Variants in ADAMTS18 observed in about 807,000 individuals in gnomAD.
ADAMTS18 encodes ADAM metallopeptidase with thrombospondin type 1 motif 18.
In ADAMTS18, 157 loss-of-function variants were observed where a neutral mutation model predicts 165.9. The ratio of observed to expected loss-of-function variants is 0.95; its 90% CI spans 0.83 to 1.08. The LOEUF (loss-of-function observed/expected upper bound fraction) is 1.08. Among genes scored for constraint, ADAMTS18 ranks in the 50% least tolerant of loss-of-function variants. ADAMTS18 has a pLI of 0.00. For missense variants in ADAMTS18, 2,040 were observed against 1,534.0 expected (o/e 1.33, Z -5.51); for synonymous variants, 782 against 578.2 (o/e 1.35, Z -5.06).
chr16:77,374,766 T>A (rs1312324427), intron 3 of ADAMTS18, among the ~76,000 whole-genome samples: 1 of 152,060 alleles, frequency 6.6e-6, no homozygotes, highest in African/African-American at 2.4e-5. Context: ...ATTTAAAAAA[T>A]AATAATAATG....
chr16:77,334,765 GTATA>G (rs2056272058), intron 12 of ADAMTS18, among the ~76,000 whole-genome samples: 1 of 7,292 alleles, frequency 1.4e-4, no homozygotes, highest in Non-Finnish European at 2.0e-4. Context: ...ATAGTATACA[GTATA>G]TATACTATAG....
At chr16:77,400,104 T>C (rs905476116) in intron 3 of ADAMTS18, among the ~76,000 whole-genome samples, 12 of 152,156 alleles carry the variant, frequency 7.9e-5, no homozygotes, top group African/African-American at 1.9e-4. Context: ...TCTCTGACCC[T>C]GCATACTTGA....
chr16:77,321,241 A>G (rs1361403850), intron 14 of ADAMTS18, 39 bp from the exon 15 acceptor site: 1 of 1,613,208 alleles, frequency 6.2e-7, no homozygotes, highest in South Asian at 1.1e-5. Flanking sequence ...ATAAAAGATC[A>G]GAGAAGCCAG....
chr16:77,421,638 G>T (rs903360034), intron 3 of ADAMTS18, among the ~76,000 whole-genome samples: 1 of 152,198 alleles, frequency 6.6e-6, no homozygotes, highest in Non-Finnish European at 1.5e-5. Context: ...TGTTATACAA[G>T]CCAGGTATTA....
intron 16 of ADAMTS18, among the ~76,000 whole-genome samples, chr16:77,307,204 T>G (rs1208849839): frequency 6.6e-6 from 1 of 152,220 alleles, no homozygotes; most frequent in Non-Finnish European, 1.5e-5. Context: ...AAAGCCCAAA[T>G]TGCACCTTAC....
chr16:77,345,057 T>C (rs953142525), intron 10 of ADAMTS18, among the ~76,000 whole-genome samples: 1 of 152,054 alleles, frequency 6.6e-6, no homozygotes, highest in Admixed American at 6.6e-5. Context: ...TCATGTTGCC[T>C]GCATATGATT....
At position 77,388,289 on chromosome 16, in the gene ADAMTS18, G is replaced by A. The variant is rs144011093; in HGVS notation, c.496-20566C>T. Among the ~76,000 whole-genome samples the A allele has an allele frequency of 1.1e-3, 164 of 152,164 alleles. 1 individual carries two copies. The highest frequency in any genetic ancestry group is 3.6e-3 in the African/African-American group (150 of 41,510). On this transcript the variant is annotated intron_variant, in intron 3 of 22. Coordinates refer to ENST00000282849, the MANE Select transcript of ADAMTS18 (RefSeq NM_199355.4). ...TAATTTTTGTATTTTTATTGGAGAT[G>A]GGGTTTCACCATGTTGGCCAGACTA...
intron 3 of ADAMTS18, among the ~76,000 whole-genome samples, chr16:77,375,518 C>G (rs899543167): frequency 6.6e-6 from 1 of 152,118 alleles, no homozygotes; most frequent in Non-Finnish European, 1.5e-5. Flanking sequence ...TCTTGTGAGA[C>G]CGGAAGTCCT....
At chr16:77,296,018 GTA>G (rs142651891) in intron 18 of ADAMTS18, among the ~76,000 whole-genome samples, 1 of 150,380 alleles carries the variant, frequency 6.6e-6, no homozygotes, top group African/African-American at 2.5e-5. Flanking sequence ...GTGTGTGTGT[GTA>G]TATATATATA....
In ADAMTS18 at chr16:77,352,001, T is replaced by C. The variant is rs1436650237; in HGVS notation, c.1614+1732A>G. Among the ~76,000 whole-genome samples, 7 of 152,128 alleles carry C rather than the reference T, an allele frequency of 4.6e-5. No individual in the cohort carries two copies. In the South Asian group the frequency reaches 1.2e-3, roughly 27 times the overall value. On this transcript the variant is annotated intron_variant, in intron 10 of 22. Coordinates refer to ENST00000282849, the MANE Select transcript of ADAMTS18 (RefSeq NM_199355.4). ...CTCCCACCTTGGCCTCCCCAAATCT[T>C]GACATTATAAGTATAAGCCACTACA...
chr16:77,313,185 A>G (rs1342783721), intron 16 of ADAMTS18, among the ~76,000 whole-genome samples: 1 of 152,154 alleles, frequency 6.6e-6, no homozygotes, highest in East Asian at 1.9e-4. Context: ...TCAGCAAACT[A>G]TCACAAGGAC....
rs201936911 is a variant in ADAMTS18 at position 77,335,003 on chromosome 16, TA to T, written c.1859+752del. ...ATATAGTAGTATATATACTGTATATTAATAGTATATAGTAGTATATATACTA... is the reference window on the plus strand; with the variant it reads ...ATATAGTAGTATATATACTGTATATTATAGTATATAGTAGTATATATACTA... On this transcript the variant is annotated intron_variant, in intron 12 of 22. Coordinates refer to ENST00000282849, the MANE Select transcript of ADAMTS18 (RefSeq NM_199355.4). Among the ~76,000 whole-genome samples the T allele has an allele frequency of 8.1e-3, 1,152 of 143,068 alleles. 20 individuals are homozygous for T. Among genetic ancestry groups the T allele is most frequent in the African/African-American group, 0.028 (1,078 of 38,888 alleles). The allele number at this position is 143,068 out of a possible 152,430, so 93.9% of individuals were successfully genotyped here. A position where few individuals can be genotyped will look rare whatever the true frequency, so the allele number is the denominator to read the frequency against.
intron 3 of ADAMTS18, among the ~76,000 whole-genome samples, chr16:77,381,727 A>C (rs2057033616): frequency 6.6e-6 from 1 of 152,170 alleles, no homozygotes; most frequent in East Asian, 1.9e-4. Flanking sequence ...ACTTGAACCC[A>C]GGAGGCGGAG....
At chr16:77,300,882 T>G (rs1477172013) in intron 16 of ADAMTS18, among the ~76,000 whole-genome samples, 1 of 152,148 alleles carries the variant, frequency 6.6e-6, no homozygotes, top group Non-Finnish European at 1.5e-5. Context: ...CTCTCCTGGG[T>G]GCTAGTGGAA....
intron 16 of ADAMTS18, among the ~76,000 whole-genome samples, chr16:77,301,575 C>A (rs976012089): frequency 1.3e-5 from 2 of 152,222 alleles, no homozygotes; most frequent in African/African-American, 4.8e-5. Flanking sequence ...AGAGGCAAAG[C>A]TGATTGCCAG....
rs185151286 is a variant in ADAMTS18 at position 77,356,669 on chromosome 16, A to C, written c.1323-592T>G. On this transcript the variant is annotated intron_variant, in intron 8 of 22. Transcript: ENST00000282849. ...TGAACCCCTTTATTGAAGGCTATTA[A>C]ATCTTGACCATTACTGTTATCTTTC... 5.3e-5 allele frequency among the ~76,000 whole-genome samples: 8 copies of C among 152,296 alleles called. No individual in the cohort carries two copies. In the East Asian group the frequency reaches 1.5e-3, roughly 29 times the overall value.
Position 77,305,145 on chromosome 16 carries a change from T to C in ADAMTS18, c.2533-4741A>G, listed in dbSNP as rs529480389. Among the ~76,000 whole-genome samples the C allele has an allele frequency of 2.0e-5, 3 of 152,304 alleles. No homozygotes were observed. In the South Asian group the frequency reaches 6.2e-4, roughly 32 times the overall value. On this transcript the variant is annotated intron_variant, in intron 16 of 22. Coordinates refer to ENST00000282849, the MANE Select transcript of ADAMTS18 (RefSeq NM_199355.4). ...AAGACAAATATATAAAAGATAAGTA[T>C]GTGCCAATTGTAGCATATTATTTGC...
chr16:77,314,618 A>G (rs1335523590), intron 16 of ADAMTS18, among the ~76,000 whole-genome samples: 1 of 76,684 alleles, frequency 1.3e-5, no homozygotes, highest in East Asian at 2.3e-4. Flanking sequence ...GTCTCAAAAA[A>G]AAAAAAATGT....
intron 14 of ADAMTS18, among the ~76,000 whole-genome samples, chr16:77,321,836 C>T (rs2056004135): frequency 6.6e-6 from 1 of 152,146 alleles, no homozygotes. Context: ...GGACAAGGCT[C>T]ATGCAACAAG....
Sources: gnomAD v4.1 joint callset for allele counts (sites outside exome capture counted in the v4.1 genomes callset) on GRCh38, gnomAD v4.1.1 for gene constraint, MANE v1.5 for transcripts, NCBI Gene and HGNC (gene_info 2026-07-23, HGNC 2026-07-21) for gene names.